Variants in CSTF3 observed in about 807,000 individuals in gnomAD.
The protein encoded by CSTF3 is CF-1 77 kDa subunit.
A neutral mutation model predicts 105.8 loss-of-function variants in CSTF3; 29 were observed. That is an observed-to-expected ratio of 0.27 (90% CI 0.20 to 0.37). The LOEUF is 0.37. CSTF3 is among the 10% of genes least tolerant of loss of function. CSTF3 has a pLI of 1.00. For missense variants in CSTF3, 357 were observed against 879.3 expected, an observed-to-expected ratio of 0.41 and a Z score of 7.51; for synonymous variants, 252 against 281.9, an observed-to-expected ratio of 0.89 and a Z score of 1.06.
At chr11:33,123,245 G>C (rs1049503690) in intron 3 of CSTF3, among the ~76,000 whole-genome samples, 2 of 150,278 alleles carry the variant, frequency 1.3e-5, no homozygotes, top group Non-Finnish European at 3.0e-5. Flanking sequence ...GAAATCCAAA[G>C]GGCTCTTAAA....
chr11:33,093,868 C>T (rs574058886), intron 15 of CSTF3, among the ~76,000 whole-genome samples: 8 of 152,068 alleles, frequency 5.3e-5, no homozygotes, highest in Non-Finnish European at 1.0e-4. Context: ...CCACCATGCC[C>T]GGCTAGTTTT....
chr11:33,119,382 T>A (rs1855464598), intron 3 of CSTF3, among the ~76,000 whole-genome samples: 1 of 151,884 alleles, frequency 6.6e-6, no homozygotes, highest in South Asian at 2.1e-4. Flanking sequence ...TAATTCTAAG[T>A]ACACATTTAT....
chr11:33,116,819 G>C (rs770720266), intron 3 of CSTF3, among the ~76,000 whole-genome samples: 22 of 152,080 alleles, frequency 1.4e-4, no homozygotes, highest in Non-Finnish European at 2.6e-4. Context: ...CAATAGGAAA[G>C]ATGCTATTGC....
At chr11:33,113,825 G>A (rs1490996156) in intron 3 of CSTF3, among the ~76,000 whole-genome samples, 1 of 152,012 alleles carries the variant, frequency 6.6e-6, no homozygotes, top group Non-Finnish European at 1.5e-5. Flanking sequence ...GAAGGCTGAG[G>A]TGAATGGATC....
Position 33,085,188 on chromosome 11 carries a change from T to G in CSTF3, c.2053A>C (p.Lys685Gln). ...ESNAVLTKAV[K>Q]RPNEDSDEDE... ...TCATCTGAATCCTCGTTGGGCCTTT[T>G]GACGGCCTTGGTGAGTACTGCATTA... Residue 685 changes from lysine to glutamine, a missense_variant, in exon 21 of 21, where the codon AAA becomes CAA. By Grantham distance (53) the Lys-to-Gln change is moderately conservative. Transcript: ENST00000323959. 6.2e-7 allele frequency: 1 copy of G among 1,614,186 alleles called. No individual in the cohort carries two copies. The highest frequency in any genetic ancestry group is 8.5e-7 in the Non-Finnish European group (1 of 1,180,022).
At position 33,096,206 on chromosome 11, in the gene CSTF3, A is replaced by G. The variant is rs1435144829; in HGVS notation, c.1375+100T>C. The stretch of plus-strand genomic sequence containing the variant: ...AGTGCCTAACAAGTGCCTGTCTGCT[A>G]TGTCAAAATTATAATACATTCAAGA... On this transcript the variant is annotated intron_variant, in intron 15 of 20. Coordinates refer to ENST00000323959, the MANE Select transcript of CSTF3 (RefSeq NM_001326.3). 1.2e-5 allele frequency: 9 copies of G among 762,966 alleles called. No individual in the cohort carries two copies. In the East Asian group the frequency reaches 1.2e-4, roughly 10 times the overall value. The allele number at this position is 762,966 out of a possible 1,614,324, so 47.3% of individuals were successfully genotyped here.
In CSTF3 at chr11:33,085,765, A is replaced by G. The variant is rs1855098871; in HGVS notation, c.1899T>C (p.Phe633=). 5.6e-6 allele frequency: 9 copies of G among 1,613,824 alleles called. No homozygotes were observed. Among genetic ancestry groups the G allele is most frequent in the Non-Finnish European group, 7.6e-6 (9 of 1,179,698 alleles). The change falls in exon 20 of 21, where the codon TTT becomes TTC. Residue 633 remains phenylalanine (F), a synonymous_variant. Coordinates refer to ENST00000323959, the MANE Select transcript of CSTF3 (RefSeq NM_001326.3). ...TTTCCATCAGTTCATCCACTTGTAC[A>G]AAAGGACCCTATTTTTGACATGAAT... ...LPPPICFQGP[F]VQVDELMEIF...
rs191473611 is a variant in CSTF3, at chr11:33,087,738, G to A, written c.1642-597C>T. Among the ~76,000 whole-genome samples the A allele has an allele frequency of 1.7e-3, 254 of 152,320 alleles. 2 individuals are homozygous for A. The highest frequency in any genetic ancestry group is 5.8e-3 in the African/African-American group (242 of 41,578). Reference sequence around the variant, plus strand: ...ATAGTAACATCTCCATTATATAGAAGGGACTGAAGCTCACAAAGGTTTTGA... The same window carrying A: ...ATAGTAACATCTCCATTATATAGAAAGGACTGAAGCTCACAAAGGTTTTGA... On this transcript the variant is annotated intron_variant, in intron 17 of 20. Transcript: ENST00000323959.
At chr11:33,104,000 T>C (rs530017508) in intron 8 of CSTF3, among the ~76,000 whole-genome samples, 3 of 152,002 alleles carry the variant, frequency 2.0e-5, no homozygotes, top group Non-Finnish European at 4.4e-5. Context: ...ATTAAAAAAA[T>C]TTTTTTTGTT....
intron 5 of CSTF3, among the ~76,000 whole-genome samples, chr11:33,106,577 T>C (rs1414622065): frequency 6.6e-6 from 1 of 151,934 alleles, no homozygotes; most frequent in Non-Finnish European, 1.5e-5. Context: ...AATAAATAAA[T>C]AATAAATGTA....
chr11:33,124,079 T>G (rs1855520526), intron 3 of CSTF3, among the ~76,000 whole-genome samples: 1 of 152,100 alleles, frequency 6.6e-6, no homozygotes, highest in Non-Finnish European at 1.5e-5. Flanking sequence ...AAACACAATA[T>G]GCATTATGCA....
rs537843076 is a variant in CSTF3, at chr11:33,109,649, G to A, written c.226-1231C>T. Among the ~76,000 whole-genome samples, 27 of 152,278 alleles carry A rather than the reference G, an allele frequency of 1.8e-4. No individual in the cohort carries two copies. The South Asian group carries it at 5.4e-3, about 30-fold the overall frequency. ...CTGAGGACTCAATGAGTTAATAAAT[G>A]TGAAGCCTTTAGAATATTGCCTAGC... On this transcript the variant is annotated intron_variant, in intron 3 of 20. Transcript: ENST00000323959.
At chr11:33,121,231 G>A (rs1283654402) in intron 3 of CSTF3, among the ~76,000 whole-genome samples, 2 of 152,014 alleles carry the variant, frequency 1.3e-5, no homozygotes, top group African/African-American at 4.8e-5. Context: ...TTAAGTTCCA[G>A]GAGAATCAAG....
chr11:33,085,312 C>G, intron 20 of CSTF3, 23 bp from the exon 21 acceptor site: 1 of 1,510,474 alleles, frequency 6.6e-7, no homozygotes, highest in Non-Finnish European at 8.8e-7. Context: ...AACAACAAAA[C>G]GTAAAAACAT....
intron 1 of CSTF3, among the ~76,000 whole-genome samples, 181 bp from the exon 2 acceptor site, chr11:33,142,167 G>T (rs1855719820): frequency 1.3e-5 from 2 of 151,920 alleles, no homozygotes; most frequent in African/African-American, 4.8e-5. Flanking sequence ...CCTTATCTGT[G>T]GGCTCCGCAT....
At chr11:33,122,579 T>A (rs1337376983) in intron 3 of CSTF3, among the ~76,000 whole-genome samples, 1 of 151,946 alleles carries the variant, frequency 6.6e-6, no homozygotes, top group Non-Finnish European at 1.5e-5. Context: ...AATCAGAGAT[T>A]TGGCCAACAG....
chr11:33,099,199 T>A lies in CSTF3; in HGVS notation c.937-49A>T. On this transcript the variant is annotated intron_variant, in intron 11 of 20. Transcript: ENST00000323959. This position sits in a 1 kb window ranked among gnomAD's most constrained non-coding sequence, Gnocchi z 4.1. ...ATCTTCAATAATTTTAATATAGTTGTGAGAGAATAAAATTAATAAAGTTAC... is the reference window on the plus strand; with the variant it reads ...ATCTTCAATAATTTTAATATAGTTGAGAGAGAATAAAATTAATAAAGTTAC... 1 of 1,551,246 alleles carries A rather than the reference T, an allele frequency of 6.4e-7. No homozygotes were observed. Among genetic ancestry groups the A allele is most frequent in the Non-Finnish European group, 8.6e-7 (1 of 1,157,138 alleles).
In CSTF3 at chr11:33,142,333, C is replaced by T. The variant is rs535683371; in HGVS notation, c.28-347G>A. On this transcript the variant is annotated intron_variant, in intron 1 of 20. Coordinates refer to ENST00000323959, the MANE Select transcript of CSTF3 (RefSeq NM_001326.3). Reference sequence around the variant, plus strand: ...CTGTATTATATGACGTTATTATAATCTAGATATGAGTTAAGTATTTGGGAG... The same window carrying T: ...CTGTATTATATGACGTTATTATAATTTAGATATGAGTTAAGTATTTGGGAG... Among the ~76,000 whole-genome samples the T allele has an allele frequency of 3.1e-5, 3 of 98,296 alleles. No homozygotes were observed. The South Asian group carries it at 1.1e-3, about 35-fold the overall frequency. The allele number at this position is 98,296 out of a possible 152,430, so 64.5% of individuals were successfully genotyped here.
At chr11:33,128,635 CTCA>C (rs1406499939) in intron 3 of CSTF3, among the ~76,000 whole-genome samples, 4 of 152,054 alleles carry the variant, frequency 2.6e-5, no homozygotes, top group African/African-American at 9.7e-5. Context: ...GACCATTAAG[CTCA>C]TATTTCTATA....
Sources: gnomAD v4.1 joint callset for allele counts (sites outside exome capture counted in the v4.1 genomes callset) on GRCh38, gnomAD v4.1.1 for gene constraint, Gnocchi (gnomAD v3.1) non-coding constraint, MANE v1.5 for transcripts, NCBI Gene and HGNC (gene_info 2026-07-23, HGNC 2026-07-21) for gene names.